SLC9C1: variants seen among roughly 807,000 people sequenced by gnomAD.
SLC9C1 encodes the protein solute carrier family 9 member C1, also known as sodium/hydrogen exchanger 10.
In SLC9C1, 97 loss-of-function variants were observed where a neutral mutation model predicts 140.9. That is an observed-to-expected ratio of 0.69 (90% CI 0.58 to 0.82). SLC9C1 has a LOEUF of 0.82. SLC9C1 is among the 40% of genes least tolerant of loss of function. SLC9C1 has a pLI of 0.00. For missense variants in SLC9C1, 1,340 were observed against 1,389.3 expected (o/e 0.96, Z 0.56); for synonymous variants, 440 against 442.6 (o/e 0.99, Z 0.07).
chr3:112,188,715 T>C (rs1266584911), intron 20 of SLC9C1, among the ~76,000 whole-genome samples: 1 of 152,224 alleles, frequency 6.6e-6, no homozygotes, highest in African/African-American at 2.4e-5. Context: ...TGTGTCTTTA[T>C]AGCAGCATGA....
intron 1 of SLC9C1, among the ~76,000 whole-genome samples, chr3:112,292,795 G>A (rs766382582): frequency 7.3e-5 from 11 of 151,184 alleles, no homozygotes; most frequent in Non-Finnish European, 1.6e-4. Context: ...TGCCCGCCTC[G>A]GCCTCCCAAA....
chr3:112,208,911 A>G (rs1393972702), intron 15 of SLC9C1, among the ~76,000 whole-genome samples: 1 of 152,198 alleles, frequency 6.6e-6, no homozygotes, highest in Non-Finnish European at 1.5e-5. Context: ...ATCAAAGCCT[A>G]GGATGCATGG....
intron 26 of SLC9C1, among the ~76,000 whole-genome samples, chr3:112,161,843 C>G (rs942230547): frequency 4.7e-5 from 7 of 150,166 alleles, no homozygotes; most frequent in African/African-American, 1.7e-4. Flanking sequence ...GGCATTGAAT[C>G]TGTAAATTAC....
intron 12 of SLC9C1, among the ~76,000 whole-genome samples, chr3:112,239,421 G>A (rs1237010333): frequency 7.9e-5 from 12 of 152,312 alleles, no homozygotes; most frequent in Middle Eastern, 3.4e-3. Context: ...GCGATGCCTC[G>A]CCCTGGTTCA....
chr3:112,160,209 G>A lies in SLC9C1; in HGVS notation c.3365-5160C>T, dbSNP rs1035011578. On this transcript the variant is annotated intron_variant, in intron 26 of 28. Transcript: ENST00000305815. ...TTTTCTGGTAGTACGTTTTAAATAA[G>A]TTATTTATTTATTTATTTTGTATTT... Among the ~76,000 whole-genome samples, 4 of 147,104 alleles carry A rather than the reference G, an allele frequency of 2.7e-5. No homozygotes were observed. In the East Asian group the frequency reaches 6.0e-4, roughly 22 times the overall value.
intron 15 of SLC9C1, among the ~76,000 whole-genome samples, chr3:112,212,679 A>G (rs561237397): frequency 4.6e-5 from 7 of 152,352 alleles, no homozygotes; most frequent in Non-Finnish European, 1.0e-4. Context: ...AGAAATGAAT[A>G]AAGCCTCCAA....
chr3:112,208,043 T>A (rs1264591023), intron 16 of SLC9C1, 135 bp downstream of exon 16: 1 of 610,990 alleles, frequency 1.6e-6, no homozygotes, highest in East Asian at 2.9e-5. Flanking sequence ...CTTCAAAAAT[T>A]AAAGTTTGGA....
At position 112,269,928 on chromosome 3, in the gene SLC9C1, T is replaced by C; in HGVS notation, c.763A>G (p.Ile255Val). ...ISLIFSILYL[I>V]FYICELVGMS... ...GCCCCTCACTTACAAATATAAAAGA[T>C]GAGATACAGAATTGAAAAGATGAGA... Residue 255 changes from isoleucine (I) to valine (V), a missense_variant, in exon 7 of 29, where the codon ATC becomes GTC. Ile to Val is a conservative substitution (Grantham distance 29). Coordinates refer to ENST00000305815, the MANE Select transcript of SLC9C1 (RefSeq NM_183061.3). 6.5e-7 allele frequency: 1 copy of C among 1,537,772 alleles called. No homozygotes were observed. Among genetic ancestry groups the C allele is most frequent in the Non-Finnish European group, 8.7e-7 (1 of 1,147,184 alleles).
At chr3:112,205,033 T>C (rs2078007521) in intron 16 of SLC9C1, among the ~76,000 whole-genome samples, 1 of 152,076 alleles carries the variant, frequency 6.6e-6, no homozygotes, top group African/African-American at 2.4e-5. Context: ...TTCAACATAG[T>C]GTTGGAAGTT....
rs1576368311 is a variant in SLC9C1, at chr3:112,217,670, A to G, written c.1671-109T>C. The G allele has an allele frequency of 8.1e-6, 8 of 981,654 alleles. No homozygotes were observed. In the East Asian group the frequency reaches 1.4e-4, roughly 17 times the overall value. 60.8% of individuals were successfully genotyped at this position (981,654 alleles called of 1,614,324 possible). A position where few individuals can be genotyped will look rare whatever the true frequency, so the allele number is the denominator to read the frequency against. On this transcript the variant is annotated intron_variant, in intron 14 of 28. Transcript: ENST00000305815. The stretch of plus-strand genomic sequence containing the variant: ...TAAGTTTAATTTTGCACAAAACAGG[A>G]AGACTATTTTGTGCCATGATGGTTG...
chr3:112,209,220 AAT>A (rs973293448), intron 15 of SLC9C1, among the ~76,000 whole-genome samples: 2 of 152,160 alleles, frequency 1.3e-5, no homozygotes, highest in African/African-American at 2.4e-5. Context: ...TTGAAAAAAA[AAT>A]ATGATGAAAT....
intron 10 of SLC9C1, 47 bp downstream of exon 10, chr3:112,262,877 T>C: frequency 7.0e-7 from 1 of 1,431,150 alleles, no homozygotes; most frequent in Non-Finnish European, 9.2e-7. Flanking sequence ...AAATACACAG[T>C]AATAGTTTTA....
rs772880247 is a variant in SLC9C1, at chr3:112,154,993, T to G, written c.3417+4A>C. ...AACTTTTAGAAAGGCTGCTTTAAAT[T>G]TACCTCCTTAACATTTCTTTCTTCT... is the stretch of plus-strand genomic sequence containing the variant. On this transcript the variant is annotated splice_donor_region_variant and intron_variant, in intron 27 of 28. Coordinates refer to ENST00000305815, the MANE Select transcript of SLC9C1 (RefSeq NM_183061.3). The G allele has an allele frequency of 1.3e-5, 21 of 1,610,702 alleles. No individual in the cohort carries two copies. Among genetic ancestry groups the G allele is most frequent in the Non-Finnish European group, 1.4e-5 (17 of 1,178,926 alleles).
intron 26 of SLC9C1, among the ~76,000 whole-genome samples, chr3:112,156,055 A>AT (rs1183640198): frequency 1.3e-5 from 2 of 151,952 alleles, no homozygotes; most frequent in Non-Finnish European, 2.9e-5. Context: ...AATATACAAT[A>AT]TTTTTTTAAC....
chr3:112,197,194 G>A (rs1158972171), intron 20 of SLC9C1, among the ~76,000 whole-genome samples: 2 of 152,060 alleles, frequency 1.3e-5, no homozygotes, highest in Non-Finnish European at 2.9e-5. Context: ...CACCTGTGAA[G>A]TGGTGGTTTT....
chr3:112,144,545 C>A (rs760611812), intron 28 of SLC9C1, among the ~76,000 whole-genome samples: 6 of 151,960 alleles, frequency 3.9e-5, no homozygotes, highest in Non-Finnish European at 7.4e-5. Context: ...GGCAGTATGG[C>A]CATTTTAACA....
chr3:112,154,061 A>G lies in SLC9C1; in HGVS notation c.3417+936T>C, dbSNP rs550515541. ...TATGATCATCTTTTATTCAACATAT[A>G]TTTGTGAGGAGATGTTGGGGACAAA... On this transcript the variant is annotated intron_variant, in intron 27 of 28. Transcript: ENST00000305815. 2.7e-5 allele frequency among the ~76,000 whole-genome samples: 4 copies of G among 145,510 alleles called. No individual in the cohort carries two copies. The South Asian group carries it at 9.3e-4, about 34-fold the overall frequency.
At chr3:112,233,050 C>A (rs58879610) in intron 12 of SLC9C1, among the ~76,000 whole-genome samples, 1 of 86,628 alleles carries the variant, frequency 1.2e-5, no homozygotes, top group Non-Finnish European at 2.4e-5. Flanking sequence ...CACACACACA[C>A]ATATATATAT....
chr3:112,199,935 A>C (rs534757991), intron 19 of SLC9C1, among the ~76,000 whole-genome samples: 6 of 152,110 alleles, frequency 3.9e-5, no homozygotes, highest in Admixed American at 1.3e-4. Context: ...TGACTCATAC[A>C]TTTATGCTCT....
Sources: allele counts gnomAD v4.1 joint callset (sites outside exome capture counted in the v4.1 genomes callset), GRCh38; gene constraint gnomAD v4.1.1; transcripts MANE v1.5; gene names NCBI Gene and HGNC (gene_info 2026-07-23, HGNC 2026-07-21).